Variants in NTRK2 observed in about 807,000 individuals in gnomAD.
The protein encoded by NTRK2 is neurotrophic receptor tyrosine kinase 2, also known as BDNF/NT-3 growth factors receptor.
Under a neutral mutation model 94.5 loss-of-function variants are expected in NTRK2, and 13 were observed. That is an observed-to-expected ratio of 0.14 (90% CI 0.09 to 0.22). NTRK2 has a LOEUF of 0.22. NTRK2 is among the 10% of genes least tolerant of loss of function. NTRK2 has a pLI of 1.00. For missense variants in NTRK2, 639 were observed against 1,071.2 expected (o/e 0.60, Z 5.63); for synonymous variants, 372 against 407.4 (o/e 0.91, Z 1.05).
intron 14 of NTRK2, chr9:84,872,613 TTC>T: frequency 9.4e-7 from 1 of 1,064,654 alleles, no homozygotes; most frequent in Non-Finnish European, 1.1e-6. Context: ...CTTTTTTTTT[TTC>T]AACTTAATTC....
chr9:84,925,047 C>T lies in NTRK2; in HGVS notation c.1634-9115C>T, dbSNP rs76828853. ...CACTTGCTCCTTCGGTGCCCCAGTG[C>T]TATGAGGGCTTGAGGCCCTCAGAAG... is the stretch of plus-strand genomic sequence containing the variant. On this transcript the variant is annotated intron_variant, in intron 14 of 18. Transcript: ENST00000277120. Among the ~76,000 whole-genome samples, 866 of 152,244 alleles carry T rather than the reference C, an allele frequency of 5.7e-3. 29 individuals carry two copies. The East Asian group carries it at 0.099, about 17-fold the overall frequency.
At chr9:84,990,952 T>G (rs1012737447) in intron 17 of NTRK2, among the ~76,000 whole-genome samples, 1 of 151,956 alleles carries the variant, frequency 6.6e-6, no homozygotes, top group African/African-American at 2.4e-5. Flanking sequence ...TTGAAGAGGA[T>G]ATAAAGGCTC....
At chr9:84,838,284 G>A (rs2073987199) in intron 12 of NTRK2, among the ~76,000 whole-genome samples, 2 of 152,076 alleles carry the variant, frequency 1.3e-5, no homozygotes. Flanking sequence ...AAGATTGTTA[G>A]TCTCCACAGA....
At chr9:84,894,543 A>G (rs2076702737) in intron 14 of NTRK2, among the ~76,000 whole-genome samples, 1 of 152,172 alleles carries the variant, frequency 6.6e-6, no homozygotes, top group Non-Finnish European at 1.5e-5. Context: ...CCACCTAAAT[A>G]TTCTATCTAA....
intron 12 of NTRK2, among the ~76,000 whole-genome samples, chr9:84,806,351 A>T (rs1281608417): frequency 6.6e-6 from 1 of 152,154 alleles, no homozygotes; most frequent in African/African-American, 2.4e-5. Flanking sequence ...CTCAAAGGAG[A>T]GCTCATTTGG....
chr9:84,895,816 A>C (rs180775909), intron 14 of NTRK2, among the ~76,000 whole-genome samples: 147 of 152,252 alleles, frequency 9.7e-4, no homozygotes, highest in African/African-American at 3.4e-3. Flanking sequence ...TGCTGCATGG[A>C]GGGGGTTTAG....
intron 12 of NTRK2, among the ~76,000 whole-genome samples, chr9:84,836,863 G>T (rs1420005088): frequency 1.3e-5 from 2 of 150,216 alleles, no homozygotes; most frequent in African/African-American, 4.9e-5. Flanking sequence ...TGCCAAGCGA[G>T]TGTAACTTTG....
At chr9:84,730,695 C>A (rs1162756504) in intron 9 of NTRK2, among the ~76,000 whole-genome samples, 1 of 117,104 alleles carries the variant, frequency 8.5e-6, no homozygotes, top group Non-Finnish European at 1.6e-5. Flanking sequence ...GAGCCGAGAT[C>A]GCACCACTGC....
intron 15 of NTRK2, among the ~76,000 whole-genome samples, chr9:84,941,290 T>G (rs1390837070): frequency 6.6e-6 from 1 of 152,254 alleles, no homozygotes; most frequent in Non-Finnish European, 1.5e-5. Context: ...GTTAGGCATT[T>G]GAATTAGATA....
chr9:84,900,997 C>G (rs1322722324), intron 14 of NTRK2, among the ~76,000 whole-genome samples: 1 of 152,092 alleles, frequency 6.6e-6, no homozygotes. Flanking sequence ...CCCACTTCGA[C>G]CTAGAAATAA....
chr9:84,721,245 G>A (rs2062042740), intron 6 of NTRK2, among the ~76,000 whole-genome samples: 3 of 151,368 alleles, frequency 2.0e-5, no homozygotes, highest in Admixed American at 2.0e-4. Context: ...GCGCGAGCTT[G>A]GCTCACTGCA....
intron 12 of NTRK2, among the ~76,000 whole-genome samples, chr9:84,769,592 ATG>A (rs201701210): frequency 0.02 from 3,013 of 152,328 alleles, 45 homozygotes; most frequent in Non-Finnish European, 0.03. Flanking sequence ...TGTTGGTTAA[ATG>A]AATATGCACA....
intron 12 of NTRK2, among the ~76,000 whole-genome samples, chr9:84,832,572 C>T (rs1470006201): frequency 2.0e-5 from 3 of 152,148 alleles, no homozygotes; most frequent in Non-Finnish European, 4.4e-5. Flanking sequence ...AGCACAGGCC[C>T]AGCTGTAATC....
intron 2 of NTRK2, among the ~76,000 whole-genome samples, chr9:84,675,269 T>A (rs887466406): frequency 2.0e-5 from 3 of 151,894 alleles, no homozygotes; most frequent in African/African-American, 7.2e-5. Flanking sequence ...TGTTTTTGTT[T>A]AGCTGGGGAA....
rs771562109 is a variant in NTRK2, at chr9:84,745,088, T to C, written c.1296+15T>C. The stretch of plus-strand genomic sequence containing the variant: ...AACATCTCTCGGTGAGTGGAATAAA[T>C]AGGTGTCTGAATTGGTTCTGAGCAT... On this transcript the variant is annotated intron_variant, in intron 11 of 18. Transcript: ENST00000277120. The C allele has an allele frequency of 1.3e-6, 2 of 1,588,336 alleles. No homozygotes were observed. Among genetic ancestry groups the C allele is most frequent in the Non-Finnish European group, 1.7e-6 (2 of 1,156,422 alleles).
rs2060794927 is a variant in NTRK2, at chr9:84,702,480, T to A, written c.359+61T>A. The A allele has an allele frequency of 1.2e-5, 17 of 1,407,070 alleles. No homozygotes were observed. In the East Asian group the frequency reaches 3.6e-4, roughly 30 times the overall value. 87.2% of individuals were successfully genotyped at this position (1,407,070 alleles called of 1,614,324 possible). On this transcript the variant is annotated intron_variant, in intron 4 of 18. Coordinates refer to ENST00000277120, the MANE Select transcript of NTRK2 (RefSeq NM_006180.6). ...CATTTTATTCAATATTTCCCCCCTC[T>A]GTTTATTTTCCTTCTTTTCCAACTT...
rs1833027879 is a variant in NTRK2, at chr9:85,026,189, T to G, written c.*4752T>G. The G allele has an allele frequency of 4.4e-6, 1 of 228,802 alleles. No homozygotes were observed. Among genetic ancestry groups the G allele is most frequent in the Admixed American group, 5.7e-5 (1 of 17,590 alleles). The allele number at this position is 228,802 out of a possible 1,614,324, so 14.2% of individuals were successfully genotyped here. On this transcript the variant is annotated 3_prime_UTR_variant, in exon 19 of 19. Coordinates refer to ENST00000277120, the MANE Select transcript of NTRK2 (RefSeq NM_006180.6). ...GTGTTGTAGGCAAAACACTGTGAAT[T>G]TCACAACAACCACCACCAAGCAACT...
intron 2 of NTRK2, among the ~76,000 whole-genome samples, chr9:84,690,409 T>C (rs763652030): frequency 3.2e-4 from 49 of 152,258 alleles, no homozygotes; most frequent in Admixed American, 7.2e-4. Flanking sequence ...TGATTCGTGA[T>C]GACTTGAATG....
intron 2 of NTRK2, among the ~76,000 whole-genome samples, chr9:84,695,758 A>C (rs1205854945): frequency 6.6e-6 from 1 of 152,228 alleles, no homozygotes; most frequent in African/African-American, 2.4e-5. Flanking sequence ...ATATATAAAC[A>C]AATATATATT....
Sources: allele counts gnomAD v4.1 joint callset (sites outside exome capture counted in the v4.1 genomes callset), GRCh38; gene constraint gnomAD v4.1.1; transcripts MANE v1.5; gene names NCBI Gene and HGNC (gene_info 2026-07-23, HGNC 2026-07-21).